Variants in PDZRN3 observed in about 807,000 individuals in gnomAD.
PDZRN3 encodes the protein E3 ubiquitin-protein ligase PDZRN3.
Under a neutral mutation model 85.7 loss-of-function variants are expected in PDZRN3, and 38 were observed. The ratio of observed to expected loss-of-function variants is 0.44; its 90% CI spans 0.34 to 0.58. The LOEUF (loss-of-function observed/expected upper bound fraction) is 0.58, where lower values mean the gene tolerates loss of function less well. Ranked by LOEUF, PDZRN3 falls within the 20% of genes least tolerant of loss-of-function variation. PDZRN3 has a pLI of 0.01. For synonymous variants in PDZRN3, 759 were observed against 638.0 expected (o/e 1.19, Z -2.86); for missense variants, 1,629 against 1,506.4 (o/e 1.08, Z -1.35).
At chr3:73,582,453 C>T (rs923755306) in intron 3 of PDZRN3, among the ~76,000 whole-genome samples, 7 of 152,092 alleles carry the variant, frequency 4.6e-5, no homozygotes, top group African/African-American at 1.2e-4. Flanking sequence ...ATTCTCAATA[C>T]TTCCTATACC....
At chr3:73,429,913 C>T (rs1702396420) in intron 3 of PDZRN3, among the ~76,000 whole-genome samples, 1 of 152,174 alleles carries the variant, frequency 6.6e-6, no homozygotes, top group Non-Finnish European at 1.5e-5. Context: ...AGGAACCTTT[C>T]TCAGGAGGTA....
At chr3:73,479,714 C>G (rs1703525154) in intron 3 of PDZRN3, among the ~76,000 whole-genome samples, 1 of 152,200 alleles carries the variant, frequency 6.6e-6, no homozygotes, top group African/African-American at 2.4e-5. Flanking sequence ...AATCCCATCT[C>G]CCCTGCCTGA....
chr3:73,503,962 C>T (rs1704026829), intron 3 of PDZRN3, among the ~76,000 whole-genome samples: 1 of 152,198 alleles, frequency 6.6e-6, no homozygotes, highest in Non-Finnish European at 1.5e-5. Flanking sequence ...CTCAGCGAAA[C>T]AGAAACCCAG....
At chr3:73,406,615 T>C (rs1324552181) in intron 3 of PDZRN3, among the ~76,000 whole-genome samples, 3 of 152,186 alleles carry the variant, frequency 2.0e-5, no homozygotes, top group African/African-American at 4.8e-5. Context: ...TGCACCAACG[T>C]TAGTTATACC....
chr3:73,577,819 C>T (rs1308949791), intron 3 of PDZRN3, among the ~76,000 whole-genome samples: 1 of 152,222 alleles, frequency 6.6e-6, no homozygotes, highest in African/African-American at 2.4e-5. Flanking sequence ...TGCTCTTCTT[C>T]CTGTACCCCA....
intron 3 of PDZRN3, among the ~76,000 whole-genome samples, chr3:73,513,549 T>G (rs1397357370): frequency 6.6e-6 from 1 of 152,198 alleles, no homozygotes; most frequent in Non-Finnish European, 1.5e-5. Context: ...CTTGTTAACA[T>G]TCACTTGTTC....
At chr3:73,564,264 T>C (rs1701898126) in intron 3 of PDZRN3, among the ~76,000 whole-genome samples, 1 of 152,178 alleles carries the variant, frequency 6.6e-6, no homozygotes, top group African/African-American at 2.4e-5. Flanking sequence ...TGTACCTACT[T>C]TGCAGAGCTG....
At chr3:73,390,421 T>G (rs1028065468) in intron 6 of PDZRN3, among the ~76,000 whole-genome samples, 3 of 152,198 alleles carry the variant, frequency 2.0e-5, no homozygotes, top group Non-Finnish European at 2.9e-5. Flanking sequence ...TAGATCATTC[T>G]GTAGCGACAA....
intron 3 of PDZRN3, among the ~76,000 whole-genome samples, chr3:73,568,356 G>C (rs1401569854): frequency 6.6e-6 from 1 of 152,148 alleles, no homozygotes; most frequent in Non-Finnish European, 1.5e-5. Context: ...CAGGTGGCTT[G>C]AGTTGCTACA....
At chr3:73,615,088 T>C (rs1025563898) in intron 1 of PDZRN3, among the ~76,000 whole-genome samples, 1 of 151,544 alleles carries the variant, frequency 6.6e-6, no homozygotes, top group African/African-American at 2.4e-5. Flanking sequence ...GGGGAACAGG[T>C]AGAAAAAAAA....
rs1429244382 is a variant in PDZRN3, at chr3:73,402,960, T to TTTTTTTTTTTTTTG, written c.1166+1187_1166+1188insCAAAAAAAAAAAAA. ...GAAAAGCTTTTTTTTTTTTTTTTTT[T>TTTTTTTTTTTTTTG]TGAGACGGAGTCTCGCTCTGTTGCC... On this transcript the variant is annotated intron_variant, in intron 4 of 9. Transcript: ENST00000263666. Among the ~76,000 whole-genome samples the TTTTTTTTTTTTTTG allele has an allele frequency of 5.5e-4, 54 of 98,992 alleles. 2 individuals are homozygous for TTTTTTTTTTTTTTG. Among genetic ancestry groups the TTTTTTTTTTTTTTG allele is most frequent in the African/African-American group, 1.8e-3 (49 of 27,224 alleles). 64.9% of individuals were successfully genotyped at this position (98,992 alleles called of 152,430 possible). A position where few individuals can be genotyped will look rare whatever the true frequency, so the allele number is the denominator to read the frequency against.
intron 1 of PDZRN3, among the ~76,000 whole-genome samples, chr3:73,620,244 G>A (rs1050936326): frequency 1.1e-4 from 16 of 152,196 alleles, no homozygotes; most frequent in South Asian, 4.1e-4. Flanking sequence ...GGTAAAATCC[G>A]CAGGATTCAA....
chr3:73,489,575 CTTTTTT>C (rs371602592), intron 3 of PDZRN3, among the ~76,000 whole-genome samples: 1 of 80,096 alleles, frequency 1.2e-5, no homozygotes, highest in Non-Finnish European at 2.3e-5. Flanking sequence ...AGTTTCTTTT[CTTTTTT>C]TTTTTTTTTG....
chr3:73,604,913 G>A (rs1702572797), intron 2 of PDZRN3, among the ~76,000 whole-genome samples: 1 of 152,156 alleles, frequency 6.6e-6, no homozygotes, highest in Admixed American at 6.5e-5. Flanking sequence ...GAGGGGTGGG[G>A]AAGGATGCAA....
At position 73,602,379 on chromosome 3, in the gene PDZRN3, A is replaced by G. The variant is rs773932870; in HGVS notation, c.893T>C (p.Leu298Pro). The G allele has an allele frequency of 1.3e-6, 2 of 1,597,966 alleles. No individual in the cohort carries two copies. Among genetic ancestry groups the G allele is most frequent in the Non-Finnish European group, 1.7e-6 (2 of 1,165,350 alleles). ...DSGPAAKEGGLQIHDRIIEVN... is the reference protein window; with the variant it reads ...DSGPAAKEGGPQIHDRIIEVN... ...CTCAATAATCCTGTCATGAATTTGC[A>G]GGCCTCCTTCCTTGGCTGCAGGCCC... The change falls in exon 3 of 10, where the codon CTG becomes CCG. Residue 298 changes from leucine (L) to proline (P), a missense_variant. Leu to Pro is a moderately conservative substitution (Grantham distance 98). Transcript: ENST00000263666.
intron 3 of PDZRN3, among the ~76,000 whole-genome samples, chr3:73,573,957 G>A (rs1198259769): frequency 6.6e-6 from 1 of 152,122 alleles, no homozygotes; most frequent in Admixed American, 6.5e-5. Flanking sequence ...AAGATAAGCT[G>A]GCCAAGTTTG....
At chr3:73,458,524 C>T (rs573944774) in intron 3 of PDZRN3, among the ~76,000 whole-genome samples, 4 of 148,574 alleles carry the variant, frequency 2.7e-5, no homozygotes, top group South Asian at 2.2e-4. Flanking sequence ...GTTTTCATGG[C>T]AAACTAGCAT....
In PDZRN3 at chr3:73,624,925, C is replaced by G. The variant is rs578177563; in HGVS notation, c.-100G>C. The G allele has an allele frequency of 5.4e-6, 5 of 926,952 alleles. No homozygotes were observed. Among genetic ancestry groups the G allele is most frequent in the Non-Finnish European group, 5.6e-6 (4 of 708,338 alleles). The allele number at this position is 926,952 out of a possible 1,614,324, so 57.4% of individuals were successfully genotyped here. Reference sequence around the variant, plus strand: ...GCCGGCTACGCCGCCCGCGCGCTCGCTGGCTCTCCCCGGACTGAGCCTAAT... The same window carrying G: ...GCCGGCTACGCCGCCCGCGCGCTCGGTGGCTCTCCCCGGACTGAGCCTAAT... On this transcript the variant is annotated 5_prime_UTR_variant, in exon 1 of 10. Coordinates refer to ENST00000263666, the MANE Select transcript of PDZRN3 (RefSeq NM_015009.3).
chr3:73,495,104 C>G (rs1703843079), intron 3 of PDZRN3, among the ~76,000 whole-genome samples: 1 of 152,120 alleles, frequency 6.6e-6, no homozygotes, highest in Non-Finnish European at 1.5e-5. Flanking sequence ...AAGCATACCC[C>G]AAACCTCAGC....
Sources: gnomAD v4.1 joint callset for allele counts (sites outside exome capture counted in the v4.1 genomes callset) on GRCh38, gnomAD v4.1.1 for gene constraint, MANE v1.5 for transcripts, NCBI Gene and HGNC (gene_info 2026-07-23, HGNC 2026-07-21) for gene names.